PARP8: variants seen among roughly 807,000 people sequenced by gnomAD.
The protein encoded by PARP8 is poly(ADP-ribose) polymerase family member 8, also known as protein mono-ADP-ribosyltransferase PARP8.
In PARP8, 51 loss-of-function variants were observed where a neutral mutation model predicts 124.1. The observed-to-expected ratio is 0.41, with a 90% CI of 0.33 to 0.52. PARP8 has a LOEUF of 0.52. PARP8 is among the 20% of genes least tolerant of loss of function. PARP8 has a pLI of 0.21. For missense variants in PARP8, 860 were observed against 1,018.9 expected (o/e 0.84, Z 2.12); for synonymous variants, 391 against 361.5 (o/e 1.08, Z -0.93).
intron 1 of PARP8, chr5:50,667,423 G>C (rs1749430294): frequency 1.4e-6 from 1 of 702,000 alleles, no homozygotes; most frequent in Admixed American, 2.0e-5. Flanking sequence ...CAGAGCCCGC[G>C]TGGCCGGAGC....
intron 3 of PARP8, among the ~76,000 whole-genome samples, chr5:50,754,515 A>T (rs1580217013): frequency 6.6e-6 from 1 of 152,058 alleles, no homozygotes; most frequent in African/African-American, 2.4e-5. Flanking sequence ...ACATGAACTC[A>T]TCATTTTTTA....
intron 8 of PARP8, 123 bp downstream of exon 8, chr5:50,778,252 T>C: frequency 1.3e-6 from 1 of 749,962 alleles, no homozygotes; most frequent in South Asian, 2.1e-5. Context: ...ACTGTTAAGG[T>C]GCTTTGTGAA....
At chr5:50,742,010 A>G (rs1392760606) in intron 2 of PARP8, 1 of 315,346 alleles carries the variant, frequency 3.2e-6, no homozygotes, top group Non-Finnish European at 6.2e-6. Context: ...GGGTTTTGCC[A>G]TATTGGCCAG....
chr5:50,823,772 A>T (rs1325686043), intron 17 of PARP8, among the ~76,000 whole-genome samples: 1 of 152,214 alleles, frequency 6.6e-6, no homozygotes, highest in Non-Finnish European at 1.5e-5. Flanking sequence ...GTCATGTGTA[A>T]GCTATTTTAA....
At chr5:50,827,837 T>C (rs780317073) in intron 19 of PARP8, 107 bp from the exon 20 acceptor site, 21 of 770,280 alleles carry the variant, frequency 2.7e-5, no homozygotes, top group Non-Finnish European at 3.9e-5. Context: ...AAAATTACTA[T>C]AGTTTGAAAG....
Position 50,759,723 on chromosome 5 carries a change from A to G in PARP8, c.265A>G (p.Ile89Val). 6.3e-7 allele frequency: 1 copy of G among 1,577,488 alleles called. No homozygotes were observed. The highest frequency in any genetic ancestry group is 8.6e-7 in the Non-Finnish European group (1 of 1,168,424). Residue 89 changes from isoleucine to valine, a missense_variant, in exon 4 of 26, where the codon ATA (isoleucine) becomes GTA (valine). Ile to Val is a conservative substitution (Grantham distance 29). Coordinates refer to ENST00000281631, the MANE Select transcript of PARP8 (RefSeq NM_024615.4). ...TEPIPVIFHR[I>V]ATELRKTNDI... Reference sequence around the variant, plus strand: ...GCCAATACCAGTAATTTTTCATAGAATAGCAACAGGTAATAGTAGTATTAT... The same window carrying G: ...GCCAATACCAGTAATTTTTCATAGAGTAGCAACAGGTAATAGTAGTATTAT...
chr5:50,708,546 A>G (rs908170371), intron 2 of PARP8, among the ~76,000 whole-genome samples: 3 of 152,068 alleles, frequency 2.0e-5, no homozygotes, highest in South Asian at 2.1e-4. Context: ...AGATTGCTCA[A>G]TATCCTACTA....
chr5:50,744,763 A>T (rs1029870013), intron 2 of PARP8: 1 of 701,610 alleles, frequency 1.4e-6, no homozygotes, highest in African/African-American at 1.8e-5. Flanking sequence ...CAGGGATGTG[A>T]GGACAAAAGA....
At chr5:50,814,695 G>C (rs1387230097) in intron 14 of PARP8, among the ~76,000 whole-genome samples, 1 of 152,146 alleles carries the variant, frequency 6.6e-6, no homozygotes, top group Non-Finnish European at 1.5e-5. Context: ...CGTAGGAGCA[G>C]TGGCACTAAC....
chr5:50,787,961 T>C (rs897588051), intron 9 of PARP8, among the ~76,000 whole-genome samples: 18 of 147,754 alleles, frequency 1.2e-4, no homozygotes, highest in African/African-American at 4.1e-4. Context: ...TATATACACA[T>C]ATATATATAC....
intron 2 of PARP8, among the ~76,000 whole-genome samples, chr5:50,721,591 A>G (rs1219863821): frequency 1.3e-5 from 2 of 151,936 alleles, no homozygotes; most frequent in African/African-American, 4.8e-5. Context: ...TGTGCCTTTC[A>G]TTTCTGTGGC....
chr5:50,803,933 T>C (rs1171341969), intron 14 of PARP8, among the ~76,000 whole-genome samples: 1 of 152,152 alleles, frequency 6.6e-6, no homozygotes, highest in Non-Finnish European at 1.5e-5. Flanking sequence ...GATTTAGATC[T>C]CGCCAAACTG....
intron 9 of PARP8, among the ~76,000 whole-genome samples, chr5:50,780,211 G>A (rs1232760112): frequency 6.6e-6 from 1 of 152,158 alleles, no homozygotes; most frequent in Non-Finnish European, 1.5e-5. Flanking sequence ...GATTTGTAAT[G>A]TATGGAGAAT....
intron 2 of PARP8, among the ~76,000 whole-genome samples, chr5:50,689,818 A>G (rs11954386): frequency 0.53 from 80,516 of 151,938 alleles, 23,334 homozygotes; most frequent in East Asian, 0.64. Context: ...TAAATGAGGC[A>G]TAGGTCCCAC....
intron 2 of PARP8, among the ~76,000 whole-genome samples, chr5:50,724,641 A>AT (rs901389207): frequency 1.1e-4 from 17 of 151,642 alleles, no homozygotes; most frequent in African/African-American, 2.9e-4. Flanking sequence ...GTTGTTTTTA[A>AT]TTTTTTTTGG....
intron 10 of PARP8, among the ~76,000 whole-genome samples, chr5:50,790,618 C>G (rs1292694445): frequency 1.3e-5 from 2 of 152,078 alleles, no homozygotes; most frequent in East Asian, 3.8e-4. Flanking sequence ...GTACACAGGT[C>G]TAGGAATAAA....
chr5:50,763,481 A>G (rs1760764048), intron 7 of PARP8, among the ~76,000 whole-genome samples: 1 of 152,152 alleles, frequency 6.6e-6, no homozygotes, highest in Non-Finnish European at 1.5e-5. Flanking sequence ...TTGAAGACAT[A>G]TCAATCTTAA....
chr5:50,765,257 C>T (rs755846738), intron 7 of PARP8, among the ~76,000 whole-genome samples: 6 of 150,094 alleles, frequency 4.0e-5, no homozygotes, highest in African/African-American at 7.4e-5. Flanking sequence ...AGCGAAACTC[C>T]GTCTCAAAAA....
chr5:50,780,173 C>G (rs1455768617), intron 9 of PARP8, among the ~76,000 whole-genome samples: 1 of 152,076 alleles, frequency 6.6e-6, no homozygotes, highest in South Asian at 2.1e-4. Flanking sequence ...AGGCTGTCTT[C>G]AAGTCATTAA....
Sources: gnomAD v4.1 joint callset for allele counts (sites outside exome capture counted in the v4.1 genomes callset) on GRCh38, gnomAD v4.1.1 for gene constraint, MANE v1.5 for transcripts, NCBI Gene and HGNC (gene_info 2026-07-23, HGNC 2026-07-21) for gene names.